SEMA3F: variants seen among roughly 807,000 people sequenced by gnomAD.
The protein encoded by SEMA3F is semaphorin-3F.
SEMA3F carries 30 observed loss-of-function variants against 98.5 expected under a neutral mutation model. The observed-to-expected ratio is 0.30, with a 90% CI of 0.23 to 0.41. The LOEUF (loss-of-function observed/expected upper bound fraction) is 0.41. SEMA3F is among the 10% of genes least tolerant of loss of function. The pLI, the probability that SEMA3F is intolerant of heterozygous loss-of-function variation, is 1.00. For synonymous variants in SEMA3F, 380 were observed against 444.8 expected, an observed-to-expected ratio of 0.85 and a Z score of 1.83; for missense variants, 866 against 1,119.3, an observed-to-expected ratio of 0.77 and a Z score of 3.23.
Position 50,156,621 on chromosome 3 carries a change from C to T in SEMA3F, c.-49+1057C>T, listed in dbSNP as rs1375225896. ...TCTCAGCCCAGGGAGTTGGATGGAG[C>T]TGAGGCCTCTTCCCAGGCTACCCAA... On this transcript the variant is annotated intron_variant, in intron 1 of 18. Coordinates refer to ENST00000002829, the MANE Select transcript of SEMA3F (RefSeq NM_004186.5). This position sits in a 1 kb window ranked among gnomAD's most constrained non-coding sequence, Gnocchi z 4.5. Among the ~76,000 whole-genome samples, 3 of 152,208 alleles carry T rather than the reference C, an allele frequency of 2.0e-5. No individual in the cohort carries two copies. The highest frequency in any genetic ancestry group is 7.2e-5 in the African/African-American group (3 of 41,438).
At chr3:50,184,507 C>A in intron 12 of SEMA3F, 85 bp from the exon 13 acceptor site, 1 of 925,552 alleles carries the variant, frequency 1.1e-6, no homozygotes, top group Non-Finnish European at 1.7e-6. Flanking sequence ...TGGGGACAGA[C>A]AGTGCAGCGG....
intron 7 of SEMA3F, among the ~76,000 whole-genome samples, chr3:50,180,232 C>T (rs1698968186): frequency 6.6e-6 from 1 of 152,042 alleles, no homozygotes; most frequent in South Asian, 2.1e-4. Flanking sequence ...TCACTGCAAC[C>T]TCCACCCCCC....
intron 2 of SEMA3F, among the ~76,000 whole-genome samples, chr3:50,164,777 G>A (rs912947881): frequency 1.3e-5 from 2 of 152,244 alleles, no homozygotes; most frequent in African/African-American, 4.8e-5. Context: ...GGCTCAGACT[G>A]TCTTGCTTGC....
rs375934702 is a variant in SEMA3F, at chr3:50,175,197, C to G, written c.549+9C>G. Reference sequence around the variant, plus strand: ...CCACAGCCCCACGCCAGGTGGGCCTCATCCCTCCAGGCCTTTGCCAGGCAG... The same window carrying G: ...CCACAGCCCCACGCCAGGTGGGCCTGATCCCTCCAGGCCTTTGCCAGGCAG... On this transcript the variant is annotated intron_variant, in intron 6 of 18. Transcript: ENST00000002829. 6.4e-7 allele frequency: 1 copy of G among 1,568,182 alleles called. No individual in the cohort carries two copies. Among genetic ancestry groups the G allele is most frequent in the African/African-American group, 1.4e-5 (1 of 73,964 alleles).
intron 2 of SEMA3F, among the ~76,000 whole-genome samples, chr3:50,170,016 C>T (rs1436648384): frequency 6.6e-6 from 1 of 152,164 alleles, no homozygotes; most frequent in Admixed American, 6.5e-5. Flanking sequence ...GGGGACAGGA[C>T]ACCCTGTGAC....
At chr3:50,176,714 C>T (rs1698826527) in intron 6 of SEMA3F, 54 bp from the exon 7 acceptor site, 2 of 1,359,822 alleles carry the variant, frequency 1.5e-6, no homozygotes, top group African/African-American at 1.4e-5. Context: ...GACCCTTACA[C>T]TTCCTGGCTG....
chr3:50,175,599 T>G (rs1297908285), intron 6 of SEMA3F, among the ~76,000 whole-genome samples: 1 of 152,182 alleles, frequency 6.6e-6, no homozygotes, highest in Non-Finnish European at 1.5e-5. Flanking sequence ...ATGCCTCCCA[T>G]GAGTCATCTG....
intron 18 of SEMA3F, among the ~76,000 whole-genome samples, chr3:50,187,178 A>T (rs1312220645): frequency 6.6e-6 from 1 of 152,186 alleles, no homozygotes; most frequent in East Asian, 1.9e-4. Context: ...TGTAACCCCA[A>T]CACTTTGGGA....
intron 12 of SEMA3F, 43 bp from the exon 13 acceptor site, chr3:50,184,549 C>T (rs1204828528): frequency 6.7e-7 from 1 of 1,497,350 alleles, no homozygotes. Flanking sequence ...CCAGCCTGCC[C>T]TGCCCAGGCA....
rs2109044070 is a variant in SEMA3F at position 50,155,764 on chromosome 3, G to C, written c.-49+200G>C. On this transcript the variant is annotated intron_variant, in intron 1 of 18. Transcript: ENST00000002829. The surrounding 1 kb of genome is among the most constrained non-coding windows in gnomAD (Gnocchi z 4.9). ...CTGGAGGCCCGGACCCCTTACCTAC[G>C]GGGCGGCGTATGGATGTGTGGATGA... The C allele has an allele frequency of 4.7e-6, 1 of 211,366 alleles. No individual in the cohort carries two copies. The highest frequency in any genetic ancestry group is 9.3e-6 in the Non-Finnish European group (1 of 107,204). The allele number at this position is 211,366 out of a possible 1,614,324, so 13.1% of individuals were successfully genotyped here. A position where few individuals can be genotyped will look rare whatever the true frequency, so the allele number is the denominator to read the frequency against.
chr3:50,165,158 T>C (rs1412418924), intron 2 of SEMA3F, among the ~76,000 whole-genome samples: 1 of 151,712 alleles, frequency 6.6e-6, no homozygotes, highest in African/African-American at 2.4e-5. Context: ...GCAGGCTTCA[T>C]GGAGGAGGCT....
chr3:50,186,469 C>A, intron 17 of SEMA3F, 121 bp downstream of exon 17: 2 of 1,399,454 alleles, frequency 1.4e-6, no homozygotes, highest in Admixed American at 1.9e-5. Flanking sequence ...AGGGTGGGGG[C>A]TAATGGAGAT....
chr3:50,186,335 G>A lies in SEMA3F; in HGVS notation c.1800G>A (p.Gly600=). 1 of 1,613,848 alleles carries A rather than the reference G, an allele frequency of 6.2e-7. No homozygotes were observed. The highest frequency in any genetic ancestry group is 8.5e-7 in the Non-Finnish European group (1 of 1,179,964). Residue 600 remains glycine (G), a synonymous_variant, in exon 17 of 19, where the codon GGG becomes GGA. Transcript: ENST00000002829. ...GAAACCCCATCAGGCAGTGCCGTGG[G>A]TTCAACTCCAATGGTGAGTATGCTG... ...RHGNPIRQCR[G]FNSNANKNAV... is the part of the protein sequence containing the mutation.
intron 2 of SEMA3F, among the ~76,000 whole-genome samples, chr3:50,167,718 C>T (rs926587639): frequency 6.6e-6 from 1 of 152,192 alleles, no homozygotes; most frequent in Non-Finnish European, 1.5e-5. Flanking sequence ...GATTTCCCAT[C>T]TTGAGGGTCC....
In SEMA3F at chr3:50,186,597, C is replaced by T. The variant is rs756957708; in HGVS notation, c.1814-16C>T. The T allele has an allele frequency of 6.3e-7, 1 of 1,580,282 alleles. No homozygotes were observed. The highest frequency in any genetic ancestry group is 8.7e-7 in the Non-Finnish European group (1 of 1,155,788). ...GGAGGTGATGCTGCTTTTGCTCAAC[C>T]CCTCTCACTCTAAAGCCAACAAGAA... is the stretch of plus-strand genomic sequence containing the variant. On this transcript the variant is annotated splice_polypyrimidine_tract_variant and intron_variant, in intron 17 of 18. Coordinates refer to ENST00000002829, the MANE Select transcript of SEMA3F (RefSeq NM_004186.5).
Position 50,182,876 on chromosome 3 carries a change from T to G in SEMA3F, c.904-28T>G. 1 of 1,612,486 alleles carries G rather than the reference T, an allele frequency of 6.2e-7. No individual in the cohort carries two copies. The highest frequency in any genetic ancestry group is 8.5e-7 in the Non-Finnish European group (1 of 1,179,044). On this transcript the variant is annotated intron_variant, in intron 9 of 18. Coordinates refer to ENST00000002829, the MANE Select transcript of SEMA3F (RefSeq NM_004186.5). The surrounding 1 kb of genome is among the most constrained non-coding windows in gnomAD (Gnocchi z 4.5). ...CAGGGCTTGGGGTCAAGAGCTGATC[T>G]GACCCGGCCTCTTGCCCCACCCCCC...
At position 50,185,469 on chromosome 3, in the gene SEMA3F, G is replaced by T. The variant is rs1407423442; in HGVS notation, c.1483G>T (p.Val495Leu). 1 of 1,613,410 alleles carries T rather than the reference G, an allele frequency of 6.2e-7. No individual in the cohort carries two copies. Among genetic ancestry groups the T allele is most frequent in the South Asian group, 1.1e-5 (1 of 91,052 alleles). ...CCGCGGGACAGTGCAGAAGGTCATT[G>T]TGCTGCCCAAGGATGACCAGGAGTT... Reference protein sequence around the residue: ...TDRGTVQKVIVLPKDDQELEE... With the variant: ...TDRGTVQKVILLPKDDQELEE... Residue 495 changes from valine (V) to leucine (L), a missense_variant, in exon 14 of 19, where the codon GTG (valine) becomes TTG (leucine). Physicochemically the swap from Val to Leu is conservative, Grantham distance 32. Around this residue, in one of 3 missense-constraint regions of SEMA3F, gnomAD observed 374 missense variants for 582.8 expected, o/e 0.64. Transcript: ENST00000002829.
intron 2 of SEMA3F, among the ~76,000 whole-genome samples, chr3:50,164,891 A>G (rs944001334): frequency 1.3e-5 from 2 of 152,206 alleles, no homozygotes; most frequent in African/African-American, 4.8e-5. Context: ...TTGTGTTGTC[A>G]GGAGGATTAA....
chr3:50,180,279 G>A (rs1048346947), intron 7 of SEMA3F, among the ~76,000 whole-genome samples: 6 of 151,670 alleles, frequency 4.0e-5, no homozygotes, highest in Admixed American at 1.3e-4. Context: ...TTTTCCTGCC[G>A]CAGCCTCCCA....
Sources: gnomAD v4.1 joint callset for allele counts (sites outside exome capture counted in the v4.1 genomes callset) on GRCh38, gnomAD v4.1.1 for gene constraint, gnomAD v4.1.1 regional missense constraint, Gnocchi (gnomAD v3.1) non-coding constraint, MANE v1.5 for transcripts, NCBI Gene and HGNC (gene_info 2026-07-23, HGNC 2026-07-21) for gene names.